The following ZSCAN16 variants were observed in gnomAD, a reference collection of about 807,000 sequenced individuals.
The protein encoded by ZSCAN16 is zinc finger and SCAN domain containing 16.
ZSCAN16 carries 15 observed loss-of-function variants against 19.4 expected under a neutral mutation model. That is an observed-to-expected ratio of 0.77 (90% CI 0.52 to 1.19). The LOEUF is 1.19. Among genes scored for constraint, ZSCAN16 ranks in the 50% most tolerant of loss-of-function variants. The probability of loss-of-function intolerance (pLI) is 0.00; values close to 1 mark genes in which losing one functional copy is unlikely to be tolerated. For synonymous variants in ZSCAN16, 138 were observed against 146.5 expected (o/e 0.94, Z 0.42); for missense variants, 327 against 415.7 (o/e 0.79, Z 1.86).
Position 28,125,771 on chromosome 6 carries a change from G to A in ZSCAN16, c.328G>A (p.Glu110Lys), listed in dbSNP as rs767836591. Residue 110 changes from glutamate (E) to lysine (K), a missense_variant, in exon 2 of 4, where the codon GAG becomes AAG. Physicochemically the swap from Glu to Lys is moderately conservative, Grantham distance 56. Transcript: ENST00000340487. This position sits in a 1 kb window ranked among gnomAD's most constrained non-coding sequence, Gnocchi z 6.2. ...WVRAHHPETG[E>K]EAVTVLEDLE... is the part of the protein sequence containing the mutation. Reference sequence around the variant, plus strand: ...GCGTGCACACCATCCAGAGACTGGAGAGGAGGCAGTGACGGTACTGGAGGA... The same window carrying A: ...GCGTGCACACCATCCAGAGACTGGAAAGGAGGCAGTGACGGTACTGGAGGA... 39 of 1,613,978 alleles carry A rather than the reference G, an allele frequency of 2.4e-5. No individual in the cohort carries two copies. The highest frequency in any genetic ancestry group is 3.2e-5 in the Non-Finnish European group (38 of 1,179,976).
In ZSCAN16 at chr6:28,129,497, C is replaced by G. The variant is rs1294673907; in HGVS notation, c.594C>G (p.Phe198Leu). The G allele has an allele frequency of 6.2e-7, 1 of 1,613,964 alleles. No individual in the cohort carries two copies. The highest frequency in any genetic ancestry group is 8.5e-7 in the Non-Finnish European group (1 of 1,179,964). ...AAGATATGCCCAAAGACAAGGAATT[C>G]CTTGGGGAGATAAATGACAGACTGA... The part of the protein sequence containing the change: ...QKEDMPKDKE[F>L]LGEINDRLNK... Residue 198 changes from phenylalanine (F) to leucine (L), a missense_variant, in exon 4 of 4, where the codon TTC (phenylalanine) becomes TTG (leucine). Transcript: ENST00000340487.
intron 3 of ZSCAN16, among the ~76,000 whole-genome samples, chr6:28,128,403 G>A (rs1333781718): frequency 6.6e-6 from 1 of 152,172 alleles, no homozygotes; most frequent in Non-Finnish European, 1.5e-5. Context: ...TCTTCAAGAA[G>A]CAGGAGAGTG....
Position 28,125,285 on chromosome 6 carries a change from G to C in ZSCAN16, c.-31-128G>C. On this transcript the variant is annotated intron_variant, in intron 1 of 3. Transcript: ENST00000340487. This position sits in a 1 kb window ranked among gnomAD's most constrained non-coding sequence, Gnocchi z 6.2. ...TGTTTTCTCTGATTGACTTCTGGTG[G>C]CTTGGCTTCATTATGATGTGTTTAT... 1 of 1,052,332 alleles carries C rather than the reference G, an allele frequency of 9.5e-7. No individual in the cohort carries two copies. The highest frequency in any genetic ancestry group is 1.3e-6 in the Non-Finnish European group (1 of 759,108). 65.2% of individuals were successfully genotyped at this position (1,052,332 alleles called of 1,614,324 possible). A position where few individuals can be genotyped will look rare whatever the true frequency, so the allele number is the denominator to read the frequency against.
Position 28,129,484 on chromosome 6 carries a change from A to T in ZSCAN16, c.581A>T (p.Lys194Ile). 6.2e-7 allele frequency: 1 copy of T among 1,613,956 alleles called. No homozygotes were observed. Among genetic ancestry groups the T allele is most frequent in the South Asian group, 1.1e-5 (1 of 91,024 alleles). Reference protein sequence around the residue: ...EELFQKEDMPKDKEFLGEIND... With the variant: ...EELFQKEDMPIDKEFLGEIND... ...TTGTTCCAGAAGGAAGATATGCCCA[A>T]AGACAAGGAATTCCTTGGGGAGATA... The change falls in exon 4 of 4, where the codon AAA becomes ATA. Residue 194 changes from lysine (K) to isoleucine (I), a missense_variant. Coordinates refer to ENST00000340487, the MANE Select transcript of ZSCAN16 (RefSeq NM_025231.3).
Position 28,129,749 on chromosome 6 carries a change from T to TGTC in ZSCAN16, c.846_847insGTC (p.His282_His283insVal). 1 of 1,614,116 alleles carries TGTC rather than the reference T, an allele frequency of 6.2e-7. No individual in the cohort carries two copies. The highest frequency in any genetic ancestry group is 8.5e-7 in the Non-Finnish European group (1 of 1,180,002). On this transcript the variant is annotated inframe_insertion, in exon 4 of 4. Transcript: ENST00000340487. ...TTCAGCGCTCACATCTCATTGGACA[T>TGTC]CATAGAGTACACACGGGAGTAAAAC...
At position 28,129,777 on chromosome 6, in the gene ZSCAN16, T is replaced by C. The variant is rs921380597; in HGVS notation, c.874T>C (p.Tyr292His). Residue 292 changes from tyrosine to histidine, a missense_variant, in exon 4 of 4, where the codon TAT (tyrosine) becomes CAT (histidine). Transcript: ENST00000340487. ...TAGAGTACACACGGGAGTAAAACCC[T>C]ATAAATGTAAAGAATGTGGGAAAGA... ...HHRVHTGVKP[Y>H]KCKECGKDFS... 6.2e-7 allele frequency: 1 copy of C among 1,614,028 alleles called. No individual in the cohort carries two copies. Among genetic ancestry groups the C allele is most frequent in the African/African-American group, 1.3e-5 (1 of 74,934 alleles).
intron 3 of ZSCAN16, 39 bp from the exon 4 acceptor site, chr6:28,129,391 T>C (rs1331191119): frequency 1.3e-6 from 2 of 1,538,310 alleles, no homozygotes; most frequent in Non-Finnish European, 8.7e-7. Flanking sequence ...TTCTCAAACA[T>C]AGAATAGGAC....
rs374547886 is a variant in ZSCAN16, at chr6:28,125,757, A to T, written c.314A>T (p.His105Leu). The change falls in exon 2 of 4, where the codon CAT becomes CTT. Residue 105 changes from histidine (H) to leucine (L), a missense_variant. His to Leu is a moderately conservative substitution (Grantham distance 99). Coordinates refer to ENST00000340487, the MANE Select transcript of ZSCAN16 (RefSeq NM_025231.3). The surrounding 1 kb of genome is among the most constrained non-coding windows in gnomAD (Gnocchi z 6.2). The part of the protein sequence containing the change: ...KDLQAWVRAH[H>L]PETGEEAVTV... ...CTGCAAGCATGGGTGCGTGCACACC[A>T]TCCAGAGACTGGAGAGGAGGCAGTG... The T allele has an allele frequency of 1.9e-6, 3 of 1,614,184 alleles. No homozygotes were observed. Among genetic ancestry groups the T allele is most frequent in the African/African-American group, 2.7e-5 (2 of 75,054 alleles).
intron 3 of ZSCAN16, 28 bp from the exon 4 acceptor site, chr6:28,129,402 C>G (rs1581507017): frequency 6.4e-7 from 1 of 1,559,530 alleles, no homozygotes; most frequent in Non-Finnish European, 8.7e-7. Flanking sequence ...AGAATAGGAC[C>G]CGTTTGTGTA....
At chr6:28,127,308 T>C (rs962360158) in intron 3 of ZSCAN16, among the ~76,000 whole-genome samples, 6 of 152,178 alleles carry the variant, frequency 3.9e-5, no homozygotes, top group African/African-American at 1.2e-4. Flanking sequence ...AAATTTATTT[T>C]CTCACAGTTC....
At chr6:28,127,725 C>A (rs1312928493) in intron 3 of ZSCAN16, among the ~76,000 whole-genome samples, 2 of 152,200 alleles carry the variant, frequency 1.3e-5, no homozygotes, top group Non-Finnish European at 2.9e-5. Flanking sequence ...CCCATCCCAG[C>A]TCCCTAATTA....
At chr6:28,126,706 G>C (rs1434022553) in intron 2 of ZSCAN16, 77 bp from the exon 3 acceptor site, 20 of 1,195,406 alleles carry the variant, frequency 1.7e-5, no homozygotes, top group Non-Finnish European at 1.8e-5. Context: ...GTCCCTGGAA[G>C]ATGTTTCATT....
Position 28,129,562 on chromosome 6 carries a change from T to C in ZSCAN16, c.659T>C (p.Ile220Thr), listed in dbSNP as rs773429225. 6.2e-6 allele frequency: 10 copies of C among 1,614,086 alleles called. No homozygotes were observed. In the South Asian group the frequency reaches 9.9e-5, roughly 16 times the overall value. Residue 220 changes from isoleucine to threonine, a missense_variant, in exon 4 of 4, where the codon ATT becomes ACT. Physicochemically the swap from Ile to Thr is moderately conservative, Grantham distance 89. Transcript: ENST00000340487. The part of the protein sequence containing the change: ...TPQHPKSKDI[I>T]ENEGRSEWQQ... ...CAGCATCCTAAGTCCAAAGATATTA[T>C]TGAAAATGAGGGCAGATCAGAATGG...
intron 3 of ZSCAN16, among the ~76,000 whole-genome samples, chr6:28,128,062 TTAACTC>T (rs1293613873): frequency 1.3e-5 from 2 of 152,232 alleles, no homozygotes; most frequent in Non-Finnish European, 2.9e-5. Context: ...TTTCAGTGCT[TTAACTC>T]TAGGAGTGGA....
chr6:28,130,010 T>A lies in ZSCAN16; in HGVS notation c.*60T>A. 1 of 1,384,724 alleles carries A rather than the reference T, an allele frequency of 7.2e-7. No homozygotes were observed. The highest frequency in any genetic ancestry group is 9.8e-7 in the Non-Finnish European group (1 of 1,025,548). The allele number at this position is 1,384,724 out of a possible 1,614,324, so 85.8% of individuals were successfully genotyped here. On this transcript the variant is annotated 3_prime_UTR_variant, in exon 4 of 4. Transcript: ENST00000340487. The stretch of plus-strand genomic sequence containing the variant: ...AGGCCTAACTAGTTATCAAAGAATC[T>A]ATTTTAGAAACCTTGAGTTTCCTCA...
At position 28,125,858 on chromosome 6, in the gene ZSCAN16, A is replaced by C. The variant is rs185604642; in HGVS notation, c.387+28A>C. 931 of 1,538,708 alleles carry C rather than the reference A, an allele frequency of 6.1e-4. 4 individuals are homozygous for C. The African/African-American group carries it at 0.01, about 17-fold the overall frequency. On this transcript the variant is annotated intron_variant, in intron 2 of 3. Coordinates refer to ENST00000340487, the MANE Select transcript of ZSCAN16 (RefSeq NM_025231.3). This position sits in a 1 kb window ranked among gnomAD's most constrained non-coding sequence, Gnocchi z 6.2. ...GTGAAGGGGCAGTCATCTGGCTGTG[A>C]GTGATCAGGGGATATGGATGGAGCC...
intron 3 of ZSCAN16, 153 bp downstream of exon 3, chr6:28,127,074 G>A: frequency 1.6e-6 from 1 of 635,872 alleles, no homozygotes; most frequent in Non-Finnish European, 2.3e-6. Context: ...CTTGCTCCAT[G>A]ATGGAGTTAT....
In ZSCAN16 at chr6:28,125,992, A is replaced by C. The variant is rs542892057; in HGVS notation, c.387+162A>C. On this transcript the variant is annotated intron_variant, in intron 2 of 3. Transcript: ENST00000340487. The surrounding 1 kb of genome is among the most constrained non-coding windows in gnomAD (Gnocchi z 6.2). ...CAAATAATTAAAGTGTGGCTGGGTA[A>C]AGAGAGGAGAGTCACTAGACTGATT... Among the ~76,000 whole-genome samples, 1 of 152,334 alleles carries C rather than the reference A, an allele frequency of 6.6e-6. No homozygotes were observed. The highest frequency in any genetic ancestry group is 1.5e-5 in the Non-Finnish European group (1 of 68,032).
At chr6:28,128,020 T>A (rs1162245125) in intron 3 of ZSCAN16, among the ~76,000 whole-genome samples, 1 of 152,238 alleles carries the variant, frequency 6.6e-6, no homozygotes, top group Non-Finnish European at 1.5e-5. Context: ...CTGGAAAGGA[T>A]GACATTTAAT....
Sources: gnomAD v4.1 joint callset for allele counts (sites outside exome capture counted in the v4.1 genomes callset) on GRCh38, gnomAD v4.1.1 for gene constraint, Gnocchi (gnomAD v3.1) non-coding constraint, MANE v1.5 for transcripts, NCBI Gene and HGNC (gene_info 2026-07-23, HGNC 2026-07-21) for gene names.